The following ITGB4 variants were observed in gnomAD, a reference collection of about 807,000 sequenced individuals.
ITGB4 encodes integrin subunit beta 4.
ITGB4 carries 159 observed loss-of-function variants against 207.6 expected under a neutral mutation model. The observed-to-expected ratio is 0.77, with a 90% CI of 0.67 to 0.87. The LOEUF is 0.87. ITGB4 is among the 40% of genes least tolerant of loss of function. ITGB4 has a pLI of 0.00. For synonymous variants in ITGB4, 1,020 were observed against 1,062.7 expected (o/e 0.96, Z 0.78); for missense variants, 2,278 against 2,546.8 (o/e 0.89, Z 2.27).
chr17:75,757,435 C>T lies in ITGB4; in HGVS notation c.5349C>T (p.Ala1783=). The T allele has an allele frequency of 6.2e-7, 1 of 1,613,254 alleles. No individual in the cohort carries two copies. The highest frequency in any genetic ancestry group is 1.1e-5 in the South Asian group (1 of 91,078). The change falls in exon 40 of 40, where the codon GCC becomes GCT. Residue 1783 remains alanine, a synonymous_variant. Coordinates refer to ENST00000200181, the MANE Select transcript of ITGB4 (RefSeq NM_000213.5). ...PFLVDGLTLG[A]QHLEAGGSLT... Reference sequence around the variant, plus strand: ...CCACAGATGGGCTGACCCTGGGGGCCCAGCACCTGGAGGCAGGCGGCTCCC... The same window carrying T: ...CCACAGATGGGCTGACCCTGGGGGCTCAGCACCTGGAGGCAGGCGGCTCCC...
Position 75,730,403 on chromosome 17 carries a change from A to T in ITGB4, c.901A>T (p.Thr301Ser). Residue 301 changes from threonine (T) to serine (S), a missense_variant, in exon 8 of 40, where the codon ACA (threonine) becomes TCA (serine). Coordinates refer to ENST00000200181, the MANE Select transcript of ITGB4 (RefSeq NM_000213.5). ...DTTGTYTQYR[T>S]QDYPSVPTLV... Reference sequence around the variant, plus strand: ...CACGGGCACCTACACCCAGTACAGGACACAGGACTACCCGTCGGTGCCCAC... The same window carrying T: ...CACGGGCACCTACACCCAGTACAGGTCACAGGACTACCCGTCGGTGCCCAC... 1 of 1,614,028 alleles carries T rather than the reference A, an allele frequency of 6.2e-7. No homozygotes were observed. Among genetic ancestry groups the T allele is most frequent in the Non-Finnish European group, 8.5e-7 (1 of 1,180,010 alleles).
intron 31 of ITGB4, 42 bp downstream of exon 31, chr17:75,752,398 G>A (rs1333838142): frequency 6.2e-7 from 1 of 1,612,650 alleles, no homozygotes; most frequent in Non-Finnish European, 8.5e-7. Flanking sequence ...CCGGGCAGGG[G>A]GGCAGGGGGC....
chr17:75,725,458 A>G (rs2060699784), intron 2 of ITGB4, among the ~76,000 whole-genome samples: 1 of 152,140 alleles, frequency 6.6e-6, no homozygotes, highest in Non-Finnish European at 1.5e-5. Context: ...GACCACAGGC[A>G]TGCACCACCA....
At position 75,740,393 on chromosome 17, in the gene ITGB4, T is replaced by C. The variant is rs1471003103; in HGVS notation, c.2482T>C (p.Cys828Arg). ...GCTGTCCTTGCGCCTGGCCCGCCTT[T>C]GCACCGAGAACCTGCTGAAGCCTGA... ...YGLSLRLARL[C>R]TENLLKPDTR... The change falls in exon 21 of 40, where the codon TGC (cysteine) becomes CGC (arginine). Residue 828 changes from cysteine (C) to arginine (R), a missense_variant. Cys to Arg is a radical substitution (Grantham distance 180). Transcript: ENST00000200181. The surrounding 1 kb of genome is among the most constrained non-coding windows in gnomAD (Gnocchi z 5.9). The C allele has an allele frequency of 6.2e-7, 1 of 1,613,664 alleles. No individual in the cohort carries two copies. The highest frequency in any genetic ancestry group is 8.5e-7 in the Non-Finnish European group (1 of 1,179,994).
rs866338637 is a variant in ITGB4, at chr17:75,743,251, G to A, written c.2963-462G>A. 6.0e-5 allele frequency among the ~76,000 whole-genome samples: 9 copies of A among 151,054 alleles called. No homozygotes were observed. In the South Asian group the frequency reaches 1.7e-3, roughly 28 times the overall value. ...TTCCAGAACCACTTTTTTTTTTCTT[G>A]GGACAGAGTCTTGCTCTGCCACCCA... is the stretch of plus-strand genomic sequence containing the variant. On this transcript the variant is annotated intron_variant, in intron 25 of 39. Transcript: ENST00000200181.
Position 75,742,665 on chromosome 17 carries a change from G to T in ITGB4, c.2866G>T (p.Asp956Tyr), listed in dbSNP as rs751621684. 6.2e-7 allele frequency: 1 copy of T among 1,613,900 alleles called. No homozygotes were observed. The highest frequency in any genetic ancestry group is 8.5e-7 in the Non-Finnish European group (1 of 1,180,048). ...VPLFIRPEDD[D>Y]EKQLLVEAID... The stretch of plus-strand genomic sequence containing the variant: ...CCTCTTTATCCGGCCTGAGGATGAC[G>T]ACGAGAAGCAGCTGCTGGTGGAGGC... Residue 956 changes from aspartate to tyrosine, a missense_variant, in exon 25 of 40, where the codon GAC becomes TAC. Asp to Tyr is a radical substitution (Grantham distance 160, BLOSUM62 -3). Coordinates refer to ENST00000200181, the MANE Select transcript of ITGB4 (RefSeq NM_000213.5). The surrounding 1 kb of genome is among the most constrained non-coding windows in gnomAD (Gnocchi z 5.9).
Position 75,727,931 on chromosome 17 carries a change from A to T in ITGB4, c.469+76A>T. 7.3e-7 allele frequency: 1 copy of T among 1,361,724 alleles called. No homozygotes were observed. The highest frequency in any genetic ancestry group is 1.2e-5 in the South Asian group (1 of 84,898). 84.4% of individuals were successfully genotyped at this position (1,361,724 alleles called of 1,614,324 possible). A position where few individuals can be genotyped will look rare whatever the true frequency, so the allele number is the denominator to read the frequency against. ...GCGTCTGCTTGGGAGGCCAGGACTC[A>T]GGACAGCTGCACCCACCCAGAAGGA... On this transcript the variant is annotated intron_variant, in intron 5 of 39. Coordinates refer to ENST00000200181, the MANE Select transcript of ITGB4 (RefSeq NM_000213.5). This position sits in a 1 kb window ranked among gnomAD's most constrained non-coding sequence, Gnocchi z 6.0.
chr17:75,733,574 C>T lies in ITGB4; in HGVS notation c.1539C>T (p.Ser513=), dbSNP rs886053410. 6.2e-6 allele frequency: 10 copies of T among 1,614,068 alleles called. No individual in the cohort carries two copies. The highest frequency in any genetic ancestry group is 2.2e-5 in the East Asian group (1 of 44,884). ...CLREGEDKPC[S]GRGECQCGHC... ...GGGAGGGCGAGGACAAGCCGTGCTC[C>T]GGCCGTGGGGAGTGCCAGTGCGGGC... Residue 513 remains serine, a synonymous_variant, in exon 13 of 40, where the codon TCC becomes TCT. Transcript: ENST00000200181.
Position 75,742,270 on chromosome 17 carries a change from A to G in ITGB4, c.2634-71A>G. The G allele has an allele frequency of 6.3e-7, 1 of 1,593,226 alleles. No individual in the cohort carries two copies. The highest frequency in any genetic ancestry group is 1.7e-5 in the Admixed American group (1 of 59,664). The stretch of plus-strand genomic sequence containing the variant: ...TCCTGGCCCCTGAAGGGGAGAAGAC[A>G]GGCAGGAGGGACAGGGCAGCAGGTG... On this transcript the variant is annotated intron_variant, in intron 23 of 39. Coordinates refer to ENST00000200181, the MANE Select transcript of ITGB4 (RefSeq NM_000213.5). The surrounding 1 kb of genome is among the most constrained non-coding windows in gnomAD (Gnocchi z 5.9).
chr17:75,754,989 T>G, intron 34 of ITGB4, 174 bp downstream of exon 34: 1 of 1,553,178 alleles, frequency 6.4e-7, no homozygotes, highest in South Asian at 1.1e-5. Context: ...CAGACATGCA[T>G]GCGCACACGT....
rs1241267535 is a variant in ITGB4 at position 75,729,392 on chromosome 17, C to G, written c.694C>G (p.Pro232Ala). 4 of 1,614,046 alleles carry G rather than the reference C, an allele frequency of 2.5e-6. No individual in the cohort carries two copies. In the African/African-American group the frequency reaches 5.3e-5, roughly 22 times the overall value. The change falls in exon 7 of 40, where the codon CCT (proline) becomes GCT (alanine). Residue 232 changes from proline (P) to alanine (A), a missense_variant. Physicochemically the swap from Pro to Ala is conservative, Grantham distance 27. Transcript: ENST00000200181. This position sits in a 1 kb window ranked among gnomAD's most constrained non-coding sequence, Gnocchi z 4.4. ...GCGGATCTCAGGCAACCTGGATGCT[C>G]CTGAGGGCGGCTTCGATGCCATCCT... ...GERISGNLDA[P>A]EGGFDAILQT...
At chr17:75,726,016 T>G (rs1295090859) in intron 2 of ITGB4, among the ~76,000 whole-genome samples, 1 of 152,224 alleles carries the variant, frequency 6.6e-6, no homozygotes, top group East Asian at 1.9e-4. Flanking sequence ...GTGGCCAGGG[T>G]GTGCCAGCAC....
Position 75,757,570 on chromosome 17 carries a change from AC to A in ITGB4, c.*20del. ...TCCAAACTTGACCGCACCCTGCCCC[AC>A]CCCCGCCACGTCCCACTAGGCGTCC... On this transcript the variant is annotated 3_prime_UTR_variant, in exon 40 of 40. Transcript: ENST00000200181. 1 of 1,591,708 alleles carries A rather than the reference AC, an allele frequency of 6.3e-7. No homozygotes were observed. The highest frequency in any genetic ancestry group is 8.5e-7 in the Non-Finnish European group (1 of 1,170,454).
chr17:75,749,925 C>T (rs1335871265), intron 27 of ITGB4, among the ~76,000 whole-genome samples, 186 bp from the exon 28 acceptor site: 2 of 152,212 alleles, frequency 1.3e-5, no homozygotes, highest in Admixed American at 6.5e-5. Context: ...CTGGGTCCTC[C>T]GCCAAGCTTG....
In ITGB4 at chr17:75,740,496, T is replaced by G. The variant is rs776702719; in HGVS notation, c.2550+35T>G. 16 of 1,528,322 alleles carry G rather than the reference T, an allele frequency of 1.0e-5. No individual in the cohort carries two copies. The highest frequency in any genetic ancestry group is 1.4e-5 in the Non-Finnish European group (15 of 1,104,378). 94.7% of individuals were successfully genotyped at this position (1,528,322 alleles called of 1,614,324 possible). ...CAGGAACTAGGCCTGGCCGGAGATGTGGGTATGAGGGCGGGTGAGGTGGGC... is the reference window on the plus strand; with the variant it reads ...CAGGAACTAGGCCTGGCCGGAGATGGGGGTATGAGGGCGGGTGAGGTGGGC... On this transcript the variant is annotated intron_variant, in intron 21 of 39. Coordinates refer to ENST00000200181, the MANE Select transcript of ITGB4 (RefSeq NM_000213.5). The surrounding 1 kb of genome is among the most constrained non-coding windows in gnomAD (Gnocchi z 5.9).
In ITGB4 at chr17:75,730,511, G is replaced by T. The variant is rs1568348102; in HGVS notation, c.1002+7G>T. 6.2e-7 allele frequency: 1 copy of T among 1,613,554 alleles called. No homozygotes were observed. Among genetic ancestry groups the T allele is most frequent in the East Asian group, 2.2e-5 (1 of 44,880 alleles). On this transcript the variant is annotated splice_region_variant and intron_variant, in intron 8 of 39. Transcript: ENST00000200181. ...CTCCTATAGCTACTACGAGGTGCGG[G>T]GCCCAGGTCCCACGGGTGGGAGGTG...
In ITGB4 at chr17:75,730,313, G is replaced by A. The variant is rs1188376695; in HGVS notation, c.811G>A (p.Ala271Thr). The change falls in exon 8 of 40, where the codon GCT becomes ACT. Residue 271 changes from alanine to threonine, a missense_variant. Physicochemically the swap from Ala to Thr is moderately conservative, Grantham distance 58 (BLOSUM62 0). Coordinates refer to ENST00000200181, the MANE Select transcript of ITGB4 (RefSeq NM_000213.5). ...CACCGAGTCAGCCTTCCACTATGAG[G>A]CTGATGGCGCCAACGTGCTGGCTGG... is the stretch of plus-strand genomic sequence containing the variant. ...FSTESAFHYE[A>T]DGANVLAGIM... The A allele has an allele frequency of 1.2e-6, 2 of 1,613,610 alleles. No individual in the cohort carries two copies. The highest frequency in any genetic ancestry group is 8.5e-7 in the Non-Finnish European group (1 of 1,180,036).
chr17:75,723,815 A>G (rs964345246), intron 1 of ITGB4, among the ~76,000 whole-genome samples: 3 of 152,260 alleles, frequency 2.0e-5, no homozygotes, highest in Admixed American at 2.0e-4. Context: ...CGCGGTGCTC[A>G]CCTTTGCCCC....
intron 26 of ITGB4, 22 bp downstream of exon 26, chr17:75,743,883 G>A (rs376889286): frequency 1.6e-4 from 253 of 1,561,880 alleles, no homozygotes; most frequent in Non-Finnish European, 2.1e-4. Context: ...CCACAGGGTC[G>A]AGGGTGCAGC....
Sources: allele counts gnomAD v4.1 joint callset (sites outside exome capture counted in the v4.1 genomes callset), GRCh38; gene constraint gnomAD v4.1.1; non-coding constraint Gnocchi (gnomAD v3.1); transcripts MANE v1.5; gene names NCBI Gene and HGNC (gene_info 2026-07-23, HGNC 2026-07-21).